ITGAE: variants seen among roughly 807,000 people sequenced by gnomAD.
ITGAE encodes the protein integrin alpha-E.
A neutral mutation model predicts 136.5 loss-of-function variants in ITGAE; 99 were observed. The observed-to-expected ratio is 0.73, with a 90% CI of 0.62 to 0.86. ITGAE has a LOEUF of 0.86. ITGAE is among the 40% of genes least tolerant of loss of function. The pLI is 0.00. For missense variants in ITGAE, 1,447 were observed against 1,515.3 expected (o/e 0.95, Z 0.75); for synonymous variants, 613 against 591.8 (o/e 1.04, Z -0.52).
intron 2 of ITGAE, among the ~76,000 whole-genome samples, chr17:3,771,121 A>T (rs1031751175): frequency 2.0e-5 from 3 of 151,844 alleles, no homozygotes; most frequent in Non-Finnish European, 4.4e-5. Flanking sequence ...ACATTCATCC[A>T]TCAAAAGGAG....
intron 2 of ITGAE, among the ~76,000 whole-genome samples, chr17:3,770,843 G>C (rs2052403721): frequency 6.6e-6 from 1 of 152,160 alleles, no homozygotes; most frequent in Admixed American, 6.5e-5. Context: ...CTGGCCTTTA[G>C]GCTTCTGAGA....
chr17:3,764,075 C>T (rs935461582), intron 2 of ITGAE, 115 bp from the exon 3 acceptor site: 36 of 682,050 alleles, frequency 5.3e-5, no homozygotes, highest in Middle Eastern at 4.1e-4. Context: ...CCTGTCTGGC[C>T]GGCAGATTCC....
At chr17:3,760,988 G>A (rs1391288823) in intron 6 of ITGAE, 25 bp downstream of exon 6, 4 of 1,589,476 alleles carry the variant, frequency 2.5e-6, no homozygotes, top group African/African-American at 1.3e-5. Context: ...TAGACTCAGA[G>A]CAACCCAGAT....
At chr17:3,754,238 G>A (rs899702555) in intron 12 of ITGAE, among the ~76,000 whole-genome samples, 10 of 152,096 alleles carry the variant, frequency 6.6e-5, no homozygotes, top group Non-Finnish European at 1.5e-4. Context: ...GAAGAGGGGT[G>A]AGAGGACGCC....
intron 23 of ITGAE, among the ~76,000 whole-genome samples, chr17:3,729,810 G>A (rs2051299838): frequency 6.6e-6 from 1 of 152,150 alleles, no homozygotes; most frequent in South Asian, 2.1e-4. Flanking sequence ...GGCCAGGCTG[G>A]TCTCGAACTC....
intron 18 of ITGAE, 140 bp from the exon 19 acceptor site, chr17:3,743,757 C>A (rs966032091): frequency 2.9e-4 from 251 of 851,060 alleles, no homozygotes; most frequent in Non-Finnish European, 3.9e-4. Flanking sequence ...GGCTGGAGTG[C>A]AGTGGCGTGA....
chr17:3,736,161 T>A (rs946309872), intron 20 of ITGAE, among the ~76,000 whole-genome samples: 4 of 150,466 alleles, frequency 2.7e-5, no homozygotes, highest in Admixed American at 1.3e-4. Flanking sequence ...AAAAAAAAAA[T>A]TAGCCAGGTG....
chr17:3,754,917 CCCAGGTAGCCCCCAGGCCCCACCCTCG>C (rs2051967765), intron 12 of ITGAE, among the ~76,000 whole-genome samples, 173 bp downstream of exon 12: 1 of 127,724 alleles, frequency 7.8e-6, no homozygotes, highest in Non-Finnish European at 1.7e-5. Context: ...CCCGCCCTCA[CCCAGGTAGCCCCCAGGCCCCACCCTCG>C]CCCAGGTAGC....
Position 3,760,532 on chromosome 17 carries a change from C to T in ITGAE, c.599-245G>A, listed in dbSNP as rs1049697625. 5.3e-5 allele frequency among the ~76,000 whole-genome samples: 8 copies of T among 149,782 alleles called. 1 individual carries two copies. The highest frequency in any genetic ancestry group is 6.7e-5 in the Admixed American group (1 of 14,908). On this transcript the variant is annotated intron_variant, in intron 6 of 30. Coordinates refer to ENST00000263087, the MANE Select transcript of ITGAE (RefSeq NM_002208.5). ...TCAGCTTACTGCAGCCTCCGCCTCC[C>T]GGGTTCAAGCAATCCTCCTGCCTTA...
chr17:3,766,643 A>C (rs1239597239), intron 2 of ITGAE, among the ~76,000 whole-genome samples: 1 of 151,976 alleles, frequency 6.6e-6, no homozygotes, highest in Admixed American at 6.6e-5. Flanking sequence ...CTCTACTAAA[A>C]ATACAAACAT....
chr17:3,753,872 C>T lies in ITGAE; in HGVS notation c.1438G>A (p.Ala480Thr). The change falls in exon 13 of 31, where the codon GCT (alanine) becomes ACT (threonine). Residue 480 changes from alanine (A) to threonine (T), a missense_variant. By Grantham distance (58) the Ala-to-Thr change is moderately conservative. Coordinates refer to ENST00000263087, the MANE Select transcript of ITGAE (RefSeq NM_002208.5). ...KTCSLSYIAG[A>T]PRYKHHGAVF... Reference sequence around the variant, plus strand: ...GCCCCATGATGTTTGTACCGTGGAGCCCCCGCGATGTAGGAGAGGCTGCAG... The same window carrying T: ...GCCCCATGATGTTTGTACCGTGGAGTCCCCGCGATGTAGGAGAGGCTGCAG... 2 of 1,613,246 alleles carry T rather than the reference C, an allele frequency of 1.2e-6. No individual in the cohort carries two copies. The highest frequency in any genetic ancestry group is 1.7e-6 in the Non-Finnish European group (2 of 1,179,344).
chr17:3,775,932 C>T (rs972352436), intron 2 of ITGAE, among the ~76,000 whole-genome samples: 11 of 152,050 alleles, frequency 7.2e-5, no homozygotes, highest in Admixed American at 2.0e-4. Flanking sequence ...TTCACCGCAA[C>T]CTTACCAGCA....
At chr17:3,731,208 C>T (rs771417155) in intron 22 of ITGAE, 25 bp from the exon 23 acceptor site, 19 of 1,582,194 alleles carry the variant, frequency 1.2e-5, no homozygotes, top group Non-Finnish European at 1.6e-5. Context: ...GAAAAATGGT[C>T]AGTTGATTCT....
intron 1 of ITGAE, among the ~76,000 whole-genome samples, chr17:3,788,488 C>T (rs113950146): frequency 9.6e-6 from 1 of 104,660 alleles, no homozygotes; most frequent in Admixed American, 1.2e-4. Context: ...TTGGTAGAGG[C>T]GAGGTTTCAC....
chr17:3,723,931 C>A (rs751271921), intron 26 of ITGAE, 187 bp from the exon 27 acceptor site: 238 of 1,541,668 alleles, frequency 1.5e-4, no homozygotes, highest in Non-Finnish European at 1.9e-4. Flanking sequence ...TGGCGGGTGC[C>A]GGCCATGGCG....
rs556060263 is a variant in ITGAE at position 3,796,972 on chromosome 17, C to T, written c.34+4139G>A. On this transcript the variant is annotated intron_variant, in intron 1 of 30. Coordinates refer to ENST00000263087, the MANE Select transcript of ITGAE (RefSeq NM_002208.5). The stretch of plus-strand genomic sequence containing the variant: ...CTCGTGGGAGGACTGTGCCTCAGAG[C>T]CATCTGCAGCCAGCCGCAGTCCCCC... Among the ~76,000 whole-genome samples the T allele has an allele frequency of 3.9e-5, 6 of 151,918 alleles. No individual in the cohort carries two copies. In the East Asian group the frequency reaches 9.7e-4, roughly 25 times the overall value.
chr17:3,720,578 A>C, intron 28 of ITGAE, 176 bp from the exon 29 acceptor site: 2 of 436,624 alleles, frequency 4.6e-6, no homozygotes, highest in South Asian at 3.3e-5. Flanking sequence ...GTTATTCTTC[A>C]ACTTCCTTTT....
At position 3,776,246 on chromosome 17, in the gene ITGAE, CG is replaced by C. The variant is rs1034348364; in HGVS notation, c.155+1293del. 5.7e-4 allele frequency among the ~76,000 whole-genome samples: 86 copies of C among 151,806 alleles called. 1 individual carries two copies. Among genetic ancestry groups the C allele is most frequent in the African/African-American group, 1.8e-3 (75 of 41,378 alleles). On this transcript the variant is annotated intron_variant, in intron 2 of 30. Coordinates refer to ENST00000263087, the MANE Select transcript of ITGAE (RefSeq NM_002208.5). ...ATAATTTTTGTATTTTTAGTAGAGA[CG>C]GGGTTTCACCATGTTGGCCAGGCTG...
intron 1 of ITGAE, among the ~76,000 whole-genome samples, chr17:3,793,052 T>C (rs2052979608): frequency 6.6e-6 from 1 of 151,998 alleles, no homozygotes; most frequent in Non-Finnish European, 1.5e-5. Context: ...AGAATCTTTT[T>C]CTTTTTTCTT....
Sources: gnomAD v4.1 joint callset for allele counts (sites outside exome capture counted in the v4.1 genomes callset) on GRCh38, gnomAD v4.1.1 for gene constraint, MANE v1.5 for transcripts, NCBI Gene and HGNC (gene_info 2026-07-23, HGNC 2026-07-21) for gene names.